MACROD1: variants seen among roughly 807,000 people sequenced by gnomAD.
MACROD1 encodes ADP-ribose glycohydrolase MACROD1.
A neutral mutation model predicts 41.4 loss-of-function variants in MACROD1; 31 were observed. That is an observed-to-expected ratio of 0.75 (90% CI 0.56 to 1.01). MACROD1 has a LOEUF of 1.01. Ranked by LOEUF, MACROD1 falls within the 50% of genes least tolerant of loss-of-function variation. The probability of loss-of-function intolerance (pLI) is 0.00; values close to 1 mark genes in which losing one functional copy is unlikely to be tolerated. For synonymous variants in MACROD1, 252 were observed against 203.4 expected (o/e 1.24, Z -2.03); for missense variants, 473 against 460.0 (o/e 1.03, Z -0.26).
At chr11:64,104,121 G>C (rs1170941566) in intron 3 of MACROD1, 1 of 152,298 alleles carries the variant, frequency 6.6e-6, no homozygotes, top group Non-Finnish European at 1.5e-5. Context: ...CTTTGGCAGG[G>C]GCCTCCGGAC....
At chr11:64,117,170 G>A (rs1359907063) in intron 3 of MACROD1, 54 of 1,613,906 alleles carry the variant, frequency 3.3e-5, no homozygotes, top group Non-Finnish European at 4.5e-5. Flanking sequence ...GGCTGGACCT[G>A]TCCAACAACA....
chr11:64,033,758 T>C (rs1337038960), intron 3 of MACROD1, among the ~76,000 whole-genome samples: 2 of 152,060 alleles, frequency 1.3e-5, no homozygotes, highest in African/African-American at 2.4e-5. Context: ...GGAGAATTGC[T>C]TGAACCTGGG....
At chr11:64,062,682 C>T (rs541144721) in intron 3 of MACROD1, among the ~76,000 whole-genome samples, 6 of 152,342 alleles carry the variant, frequency 3.9e-5, no homozygotes, top group African/African-American at 1.4e-4. Flanking sequence ...TCAGGGAAGC[C>T]AGAGTGCTGA....
chr11:64,042,510 C>G (rs1435389313), intron 3 of MACROD1, among the ~76,000 whole-genome samples: 2 of 152,168 alleles, frequency 1.3e-5, no homozygotes, highest in African/African-American at 4.8e-5. Context: ...TGCAGCGTAA[C>G]CTTTGACCCC....
chr11:64,152,863 C>T (rs1347739157), intron 1 of MACROD1, among the ~76,000 whole-genome samples: 1 of 152,238 alleles, frequency 6.6e-6, no homozygotes, highest in African/African-American at 2.4e-5. Context: ...TCACTGCATG[C>T]AGGCAGCGGG....
At position 64,139,526 on chromosome 11, in the gene MACROD1, A is replaced by G. The variant is rs887376413; in HGVS notation, c.517+11713T>C. 2.6e-5 allele frequency among the ~76,000 whole-genome samples: 4 copies of G among 152,188 alleles called. No homozygotes were observed. In the South Asian group the frequency reaches 6.2e-4, roughly 24 times the overall value. ...CTGCCCCTGCCCTCGAGGGGCTCGG[A>G]GTCCTGTGGGTGGTGAAGTGAGATC... is the stretch of plus-strand genomic sequence containing the variant. On this transcript the variant is annotated intron_variant, in intron 3 of 10. Coordinates refer to ENST00000255681, the MANE Select transcript of MACROD1 (RefSeq NM_014067.4).
intron 1 of MACROD1, among the ~76,000 whole-genome samples, chr11:64,158,742 C>G (rs1215919522): frequency 6.6e-6 from 1 of 152,198 alleles, no homozygotes; most frequent in African/African-American, 2.4e-5. Flanking sequence ...CCAGGCCCCT[C>G]CTGTGATGAT....
At chr11:64,049,012 G>A (rs900157891) in intron 3 of MACROD1, among the ~76,000 whole-genome samples, 1 of 152,240 alleles carries the variant, frequency 6.6e-6, no homozygotes, top group South Asian at 2.1e-4. Context: ...TGGGGTGCCG[G>A]CTGCCTCCTG....
chr11:64,069,149 G>A (rs1355544761), intron 3 of MACROD1, among the ~76,000 whole-genome samples: 2 of 152,202 alleles, frequency 1.3e-5, no homozygotes, highest in Non-Finnish European at 1.5e-5. Context: ...CCCAACCTTC[G>A]ATTGCAGGGG....
chr11:64,145,133 C>G (rs1395684191), intron 3 of MACROD1, among the ~76,000 whole-genome samples: 1 of 152,216 alleles, frequency 6.6e-6, no homozygotes, highest in Non-Finnish European at 1.5e-5. Flanking sequence ...TCTCACAAAT[C>G]AAAGCCCCAA....
intron 3 of MACROD1, among the ~76,000 whole-genome samples, chr11:64,065,521 G>A (rs1443660845): frequency 6.6e-6 from 1 of 152,170 alleles, no homozygotes. Context: ...CAGGCGCGGT[G>A]GCTCATGCCT....
chr11:64,159,319 A>T (rs1486202184), intron 1 of MACROD1, among the ~76,000 whole-genome samples: 3 of 22,920 alleles, frequency 1.3e-4, no homozygotes, highest in Non-Finnish European at 2.7e-4. Flanking sequence ...TCTCCGTCTC[A>T]GAAAAAAAAA....
intron 3 of MACROD1, among the ~76,000 whole-genome samples, chr11:64,072,295 C>G (rs978874337): frequency 6.6e-6 from 1 of 152,092 alleles, no homozygotes; most frequent in Non-Finnish European, 1.5e-5. Context: ...AGCCAGGCCC[C>G]AGAACTGTAG....
intron 1 of MACROD1, among the ~76,000 whole-genome samples, chr11:64,153,663 A>C (rs913486265): frequency 2.6e-5 from 4 of 152,136 alleles, no homozygotes; most frequent in Non-Finnish European, 5.9e-5. Context: ...CCCAGTCCAG[A>C]GTCCCTGCTG....
At chr11:64,059,928 G>A (rs371704730) in intron 3 of MACROD1, among the ~76,000 whole-genome samples, 2 of 152,182 alleles carry the variant, frequency 1.3e-5, no homozygotes, top group African/African-American at 4.8e-5. Context: ...GACCTCCTGA[G>A]CAGCTGGGGC....
chr11:64,126,643 G>A (rs1945185952), intron 3 of MACROD1, among the ~76,000 whole-genome samples: 1 of 151,984 alleles, frequency 6.6e-6, no homozygotes, highest in Non-Finnish European at 1.5e-5. Flanking sequence ...CTGAAGAGGA[G>A]GAGGAGACCA....
rs1336532170 is a variant in MACROD1, at chr11:64,160,797, C to G, written c.298+4900G>C. On this transcript the variant is annotated intron_variant, in intron 1 of 10. Transcript: ENST00000255681. Reference sequence around the variant, plus strand: ...CACCACTGCACTCCAGCCTGGGCAACAGAATGAGACCATATCTAAAAAAAA... The same window carrying G: ...CACCACTGCACTCCAGCCTGGGCAAGAGAATGAGACCATATCTAAAAAAAA... Among the ~76,000 whole-genome samples the G allele has an allele frequency of 3.3e-5, 4 of 122,978 alleles. No individual in the cohort carries two copies. In the East Asian group the frequency reaches 9.2e-4, roughly 28 times the overall value. The allele number at this position is 122,978 out of a possible 152,430, so 80.7% of individuals were successfully genotyped here. A position where few individuals can be genotyped will look rare whatever the true frequency, so the allele number is the denominator to read the frequency against.
intron 3 of MACROD1, among the ~76,000 whole-genome samples, chr11:64,147,838 G>A (rs1000396896): frequency 2.6e-5 from 4 of 151,258 alleles, no homozygotes; most frequent in African/African-American, 9.7e-5. Flanking sequence ...AACCTCCCAG[G>A]TTCAAGCAAT....
chr11:64,117,566 T>TG, intron 3 of MACROD1: 1 of 1,607,336 alleles, frequency 6.2e-7, no homozygotes, highest in Non-Finnish European at 8.5e-7. Flanking sequence ...TGGCCACGGG[T>TG]GATGGCGCCA....
Sources: allele counts gnomAD v4.1 joint callset (sites outside exome capture counted in the v4.1 genomes callset), GRCh38; gene constraint gnomAD v4.1.1; transcripts MANE v1.5; gene names NCBI Gene and HGNC (gene_info 2026-07-23, HGNC 2026-07-21).